SNTN: variants seen among roughly 807,000 people sequenced by gnomAD.
SNTN encodes sentan, cilia apical structure protein.
SNTN carries 13 observed loss-of-function variants against 12.3 expected under a neutral mutation model. That is an observed-to-expected ratio of 1.05 (90% CI 0.69 to 1.67). SNTN has a LOEUF of 1.67. SNTN is among the 40% of genes most tolerant of loss of function. SNTN has a pLI of 0.00. For missense variants in SNTN, 189 were observed against 169.8 expected (o/e 1.11, Z -0.63); for synonymous variants, 69 against 58.5 (o/e 1.18, Z -0.82).
intron 1 of SNTN, among the ~76,000 whole-genome samples, chr3:63,653,734 G>T (rs17652900): frequency 0.17 from 25,643 of 152,096 alleles, 2,219 homozygotes; most frequent in African/African-American, 0.2. Flanking sequence ...CTCCAATTTG[G>T]CCCCTTTTCT....
At position 63,665,019 on chromosome 3, in the gene SNTN, C is replaced by T. The variant is rs1385942296; in HGVS notation, c.*924C>T. On this transcript the variant is annotated 3_prime_UTR_variant, in exon 4 of 4. Coordinates refer to ENST00000343837, the MANE Select transcript of SNTN (RefSeq NM_001080537.2). ...GATCCGCCCACAGCCTCCCAAAGTG[C>T]TGGGATTACAGGCTTGAGCCACCAA... is the stretch of plus-strand genomic sequence containing the variant. 6.6e-6 allele frequency among the ~76,000 whole-genome samples: 1 copy of T among 152,112 alleles called. No homozygotes were observed. The highest frequency in any genetic ancestry group is 1.5e-5 in the Non-Finnish European group (1 of 68,012).
Position 63,654,682 on chromosome 3 carries a change from C to A in SNTN, c.111-80C>A, listed in dbSNP as rs369608063. On this transcript the variant is annotated intron_variant, in intron 1 of 3. Coordinates refer to ENST00000343837, the MANE Select transcript of SNTN (RefSeq NM_001080537.2). ...TTACCAAAATAAACAATTTTTAAATCATTATATTGCTCTGCTATAGATGCT... is the reference window on the plus strand; with the variant it reads ...TTACCAAAATAAACAATTTTTAAATAATTATATTGCTCTGCTATAGATGCT... 3.0e-5 allele frequency: 37 copies of A among 1,223,356 alleles called. No homozygotes were observed. In the African/African-American group the frequency reaches 3.6e-4, roughly 12 times the overall value. The allele number at this position is 1,223,356 out of a possible 1,614,324, so 75.8% of individuals were successfully genotyped here.
Position 63,665,022 on chromosome 3 carries a change from G to A in SNTN, c.*927G>A, listed in dbSNP as rs1034578671. Among the ~76,000 whole-genome samples the A allele has an allele frequency of 2.0e-5, 3 of 152,130 alleles. No homozygotes were observed. The highest frequency in any genetic ancestry group is 2.1e-4 in the South Asian group (1 of 4,826). ...CCGCCCACAGCCTCCCAAAGTGCTG[G>A]GATTACAGGCTTGAGCCACCAAGTC... On this transcript the variant is annotated 3_prime_UTR_variant, in exon 4 of 4. Coordinates refer to ENST00000343837, the MANE Select transcript of SNTN (RefSeq NM_001080537.2).
At chr3:63,663,253 C>G (rs6445380) in intron 3 of SNTN, among the ~76,000 whole-genome samples, 117,417 of 152,080 alleles carry the variant, frequency 0.77, 45,398 homozygotes, top group East Asian at 0.87. Context: ...TCCAGCTTGG[C>G]GCAAGTCTCT....
chr3:63,655,669 T>C (rs1328113061), intron 2 of SNTN, among the ~76,000 whole-genome samples: 1 of 152,130 alleles, frequency 6.6e-6, no homozygotes, highest in East Asian at 1.9e-4. Context: ...ACAACATTCC[T>C]AGCACCAGAC....
Position 63,652,703 on chromosome 3 carries a change from C to A in SNTN, c.16C>A (p.His6Asn), listed in dbSNP as rs202086037. 17 of 1,613,754 alleles carry A rather than the reference C, an allele frequency of 1.1e-5. No homozygotes were observed. The highest frequency in any genetic ancestry group is 1.4e-5 in the Non-Finnish European group (17 of 1,179,908). The change falls in exon 1 of 4, where the codon CAC (histidine) becomes AAC (asparagine). Residue 6 changes from histidine to asparagine, a missense_variant. Transcript: ENST00000343837. ...AGATGAGAGAATGGGTGGCTGTATGCACAGTACCCAGGACAAATCTCTCCA... is the reference window on the plus strand; with the variant it reads ...AGATGAGAGAATGGGTGGCTGTATGAACAGTACCCAGGACAAATCTCTCCA... MGGCMHSTQDKSLHLE... is the reference protein window; with the variant it reads MGGCMNSTQDKSLHLE...
In SNTN at chr3:63,659,770, C is replaced by G; in HGVS notation, c.191C>G (p.Ala64Gly). 6.2e-7 allele frequency: 1 copy of G among 1,613,990 alleles called. No homozygotes were observed. The highest frequency in any genetic ancestry group is 2.2e-5 in the East Asian group (1 of 44,850). Residue 64 changes from alanine (A) to glycine (G), a missense_variant, in exon 3 of 4, where the codon GCT (alanine) becomes GGT (glycine). Ala to Gly is a moderately conservative substitution (Grantham distance 60). Transcript: ENST00000343837. ...CTGGAAAAAGCTATTGCCACCACTGCTCTGATTTTCAGAAATTCTTCTGAC... is the reference window on the plus strand; with the variant it reads ...CTGGAAAAAGCTATTGCCACCACTGGTCTGATTTTCAGAAATTCTTCTGAC... ...SDLEKAIATT[A>G]LIFRNSSDSD... is the part of the protein sequence containing the mutation.
intron 2 of SNTN, among the ~76,000 whole-genome samples, chr3:63,658,068 T>A (rs959101607): frequency 6.6e-6 from 1 of 152,104 alleles, no homozygotes; most frequent in African/African-American, 2.4e-5. Context: ...TCCTGCATGA[T>A]CTAGCTTTTG....
chr3:63,660,448 G>A (rs1372885730), intron 3 of SNTN, among the ~76,000 whole-genome samples: 2 of 152,162 alleles, frequency 1.3e-5, no homozygotes, highest in Non-Finnish European at 2.9e-5. Context: ...CTAGGGTTGG[G>A]GGTGGAATAG....
intron 3 of SNTN, among the ~76,000 whole-genome samples, chr3:63,663,258 G>T (rs1359868446): frequency 6.6e-6 from 1 of 152,134 alleles, no homozygotes; most frequent in Non-Finnish European, 1.5e-5. Context: ...CTTGGCGCAA[G>T]TCTCTTAATT....
intron 1 of SNTN, 71 bp from the exon 2 acceptor site, chr3:63,654,691 G>A (rs1700656481): frequency 7.7e-7 from 1 of 1,303,150 alleles, no homozygotes; most frequent in Non-Finnish European, 1.1e-6. Context: ...TCATTATATT[G>A]CTCTGCTATA....
In SNTN at chr3:63,656,846, C is replaced by T. The variant is rs574447311; in HGVS notation, c.145+2050C>T. ...TGCCTGAAAACACAACACCTAGAGG[C>T]AGCGTGCATCTTGGAGTGAAACCAG... On this transcript the variant is annotated intron_variant, in intron 2 of 3. Coordinates refer to ENST00000343837, the MANE Select transcript of SNTN (RefSeq NM_001080537.2). Among the ~76,000 whole-genome samples the T allele has an allele frequency of 1.4e-4, 21 of 152,288 alleles. No homozygotes were observed. In the South Asian group the frequency reaches 2.9e-3, roughly 21 times the overall value.
At position 63,664,750 on chromosome 3, in the gene SNTN, A is replaced by ATTTTATTTTC. The variant is rs1431173226; in HGVS notation, c.*664_*665insCTTTTATTTT. The ATTTTATTTTC allele has an allele frequency of 1.3e-5, 2 of 150,110 alleles. No individual in the cohort carries two copies. The highest frequency in any genetic ancestry group is 3.0e-5 in the Non-Finnish European group (2 of 67,712). 9.3% of individuals were successfully genotyped at this position (150,110 alleles called of 1,614,324 possible). A position where few individuals can be genotyped will look rare whatever the true frequency, so the allele number is the denominator to read the frequency against. On this transcript the variant is annotated 3_prime_UTR_variant, in exon 4 of 4. Transcript: ENST00000343837. ...GGAGTTTTTTATTTTATTTTATTTT[A>ATTTTATTTTC]TTTTATTTTATTTTATTTTGAGACA...
chr3:63,656,691 T>C (rs1700683000), intron 2 of SNTN, among the ~76,000 whole-genome samples: 1 of 152,160 alleles, frequency 6.6e-6, no homozygotes, highest in Admixed American at 6.6e-5. Flanking sequence ...AGCACTGATG[T>C]AGAAGATAAT....
At position 63,659,740 on chromosome 3, in the gene SNTN, C is replaced by G; in HGVS notation, c.161C>G (p.Ser54Ter). The G allele has an allele frequency of 6.2e-7, 1 of 1,613,888 alleles. No homozygotes were observed. The highest frequency in any genetic ancestry group is 8.5e-7 in the Non-Finnish European group (1 of 1,179,890). Residue 54 changes from serine to a stop codon, truncating the protein, a stop_gained, in exon 3 of 4, where the codon TCA (serine) becomes TGA (stop). Transcript: ENST00000343837. LOFTEE classifies it high-confidence loss of function. ...LASVKALRKC[S>*]DLEKAIATTA... ...TCTCTCCTAGCTCTGAGGAAGTGCT[C>G]AGATCTGGAAAAAGCTATTGCCACC...
In SNTN at chr3:63,664,903, C is replaced by T. The variant is rs1160447569; in HGVS notation, c.*808C>T. Among the ~76,000 whole-genome samples, 2 of 152,130 alleles carry T rather than the reference C, an allele frequency of 1.3e-5. No individual in the cohort carries two copies. The highest frequency in any genetic ancestry group is 4.8e-5 in the African/African-American group (2 of 41,422). On this transcript the variant is annotated 3_prime_UTR_variant, in exon 4 of 4. Transcript: ENST00000343837. ...GAGTAGCTGGGATTACAGGCGTGTG[C>T]CACGATGCCAGGCTAATTTTTTTTG... is the stretch of plus-strand genomic sequence containing the variant.
chr3:63,654,831 C>T, intron 2 of SNTN, 35 bp downstream of exon 2: 1 of 1,601,234 alleles, frequency 6.2e-7, no homozygotes. Context: ...ACATTTTTCT[C>T]CTCTACCAAG....
intron 1 of SNTN, among the ~76,000 whole-genome samples, chr3:63,653,482 G>A (rs1700643968): frequency 6.6e-6 from 1 of 151,978 alleles, no homozygotes; most frequent in Non-Finnish European, 1.5e-5. Context: ...ATAACACAGG[G>A]TCCAGCTTTG....
At chr3:63,659,634 C>T (rs942258396) in intron 2 of SNTN, 91 bp from the exon 3 acceptor site, 9 of 1,469,324 alleles carry the variant, frequency 6.1e-6, no homozygotes, top group Middle Eastern at 3.6e-4. Flanking sequence ...TTAGAAGGTT[C>T]CCTACAGTTC....
Sources: gnomAD v4.1 joint callset for allele counts (sites outside exome capture counted in the v4.1 genomes callset) on GRCh38, gnomAD v4.1.1 for gene constraint, MANE v1.5 for transcripts, NCBI Gene and HGNC (gene_info 2026-07-23, HGNC 2026-07-21) for gene names.